ANGPT1: variants seen among roughly 807,000 people sequenced by gnomAD.
ANGPT1 encodes the protein angiopoietin 1.
A neutral mutation model predicts 62.2 loss-of-function variants in ANGPT1; 17 were observed. That is an observed-to-expected ratio of 0.27 (90% CI 0.19 to 0.41). The LOEUF (loss-of-function observed/expected upper bound fraction) is 0.41. Among genes scored for constraint, ANGPT1 ranks in the 10% least tolerant of loss-of-function variants. The probability of loss-of-function intolerance (pLI) is 1.00; values close to 1 mark genes in which losing one functional copy is unlikely to be tolerated. For synonymous variants in ANGPT1, 199 were observed against 198.9 expected (o/e 1.00, Z 0.00); for missense variants, 478 against 594.9 (o/e 0.80, Z 2.04).
chr8:107,370,115 C>G (rs1586263469), intron 1 of ANGPT1, among the ~76,000 whole-genome samples: 1 of 141,182 alleles, frequency 7.1e-6, no homozygotes, highest in South Asian at 2.3e-4. Context: ...CCAGCCTGGG[C>G]AACAGAGCAA....
At chr8:107,264,196 T>TA in intron 8 of ANGPT1, 25 bp downstream of exon 8, 1 of 1,604,140 alleles carries the variant, frequency 6.2e-7, no homozygotes, top group Non-Finnish European at 8.5e-7. Context: ...AAACATAGCT[T>TA]AGAGAATGGC....
chr8:107,311,792 C>T (rs990101793), intron 4 of ANGPT1, among the ~76,000 whole-genome samples: 6 of 151,768 alleles, frequency 4.0e-5, no homozygotes, highest in African/African-American at 7.3e-5. Flanking sequence ...AAGCTGGGTG[C>T]GGTGGCTCAC....
At chr8:107,459,562 G>A (rs1047324213) in intron 1 of ANGPT1, among the ~76,000 whole-genome samples, 1 of 152,060 alleles carries the variant, frequency 6.6e-6, no homozygotes, top group Non-Finnish European at 1.5e-5. Context: ...CTCATATTAT[G>A]TGGGAACGAG....
intron 1 of ANGPT1, among the ~76,000 whole-genome samples, chr8:107,429,463 C>G (rs1811121671): frequency 6.6e-6 from 1 of 152,118 alleles, no homozygotes; most frequent in East Asian, 1.9e-4. Flanking sequence ...ATGGGTGTCA[C>G]TAATCAATAA....
At chr8:107,489,111 C>T (rs1201337721) in intron 1 of ANGPT1, among the ~76,000 whole-genome samples, 1 of 152,150 alleles carries the variant, frequency 6.6e-6, no homozygotes, top group African/African-American at 2.4e-5. Context: ...CTAAATTTTA[C>T]AATATGCCAT....
intron 1 of ANGPT1, among the ~76,000 whole-genome samples, chr8:107,479,021 A>T (rs576591681): frequency 2.3e-4 from 35 of 152,272 alleles, no homozygotes; most frequent in Admixed American, 1.0e-3. Flanking sequence ...CACTGAAGAC[A>T]TGATCTTTCG....
chr8:107,346,913 A>G (rs371209848), intron 2 of ANGPT1, 29 bp downstream of exon 2: 2 of 1,559,324 alleles, frequency 1.3e-6, no homozygotes, highest in Non-Finnish European at 1.7e-6. Context: ...TTCCTTGTTG[A>G]GTCTGTGGAC....
At position 107,388,294 on chromosome 8, in the gene ANGPT1, G is replaced by C. The variant is rs192900119; in HGVS notation, c.298-41197C>G. Among the ~76,000 whole-genome samples the C allele has an allele frequency of 2.3e-3, 357 of 151,994 alleles. 1 individual carries two copies. The highest frequency in any genetic ancestry group is 8.2e-3 in the African/African-American group (340 of 41,452). ...GCTGGACATGGTGGCATGTACCTAC[G>C]GTCCTAGCTACTTCAGAGGCTGAGG... On this transcript the variant is annotated intron_variant, in intron 1 of 8. Transcript: ENST00000517746.
chr8:107,252,500 T>C (rs775253809), intron 8 of ANGPT1, among the ~76,000 whole-genome samples: 39 of 152,208 alleles, frequency 2.6e-4, no homozygotes, highest in Non-Finnish European at 4.7e-4. Flanking sequence ...ATCTACTGCA[T>C]ATGTTTGTCA....
At chr8:107,394,156 C>T (rs1816889661) in intron 1 of ANGPT1, among the ~76,000 whole-genome samples, 1 of 152,128 alleles carries the variant, frequency 6.6e-6, no homozygotes, top group Non-Finnish European at 1.5e-5. Flanking sequence ...GAGAGCTGAT[C>T]CTCAGGAGAA....
At chr8:107,257,586 A>C (rs1404890877) in intron 8 of ANGPT1, among the ~76,000 whole-genome samples, 1 of 152,194 alleles carries the variant, frequency 6.6e-6, no homozygotes, top group African/African-American at 2.4e-5. Context: ...TTCGTTTTCA[A>C]TGCATGCATT....
rs530775162 is a variant in ANGPT1, at chr8:107,490,144, A to G, written c.297+7118T>C. Among the ~76,000 whole-genome samples, 16 of 152,262 alleles carry G rather than the reference A, an allele frequency of 1.1e-4. 1 individual carries two copies. In the South Asian group the frequency reaches 1.5e-3, roughly 14 times the overall value. On this transcript the variant is annotated intron_variant, in intron 1 of 8. Transcript: ENST00000517746. ...TCTCATCATCTGCACAAGTGAGAGC[A>G]CTTCTAATGTTTATACTTAAAACAA...
At chr8:107,390,118 A>G (rs575788836) in intron 1 of ANGPT1, among the ~76,000 whole-genome samples, 3 of 152,174 alleles carry the variant, frequency 2.0e-5, no homozygotes, top group Non-Finnish European at 4.4e-5. Context: ...TGAATTACCC[A>G]TAATAATTTT....
intron 1 of ANGPT1, among the ~76,000 whole-genome samples, chr8:107,361,546 AAT>A: frequency 3.7e-5 from 1 of 27,132 alleles, no homozygotes; most frequent in South Asian, 1.2e-3. Flanking sequence ...ATCAATATAG[AAT>A]ATATGTATAT....
intron 1 of ANGPT1, among the ~76,000 whole-genome samples, chr8:107,406,754 GT>G (rs1403812285): frequency 2.0e-5 from 3 of 151,720 alleles, no homozygotes; most frequent in African/African-American, 7.3e-5. Context: ...ATCTTATATG[GT>G]TTTTAAAATA....
intron 4 of ANGPT1, among the ~76,000 whole-genome samples, chr8:107,318,551 G>A (rs4425727): frequency 0.6 from 90,723 of 152,022 alleles, 27,907 homozygotes; most frequent in African/African-American, 0.76. Flanking sequence ...AGATAATTAC[G>A]ATTATTTTAA....
intron 1 of ANGPT1, among the ~76,000 whole-genome samples, chr8:107,459,883 T>G (rs1812021299): frequency 6.6e-6 from 1 of 152,196 alleles, no homozygotes; most frequent in Non-Finnish European, 1.5e-5. Flanking sequence ...ATTTTCAATG[T>G]TCTGCCCTTT....
chr8:107,311,486 T>C (rs1814862220), intron 4 of ANGPT1, among the ~76,000 whole-genome samples: 1 of 152,172 alleles, frequency 6.6e-6, no homozygotes, highest in South Asian at 2.1e-4. Context: ...ATATTGCCCA[T>C]GATATATAAT....
chr8:107,388,942 T>C (rs1055453242), intron 1 of ANGPT1, among the ~76,000 whole-genome samples: 4 of 152,180 alleles, frequency 2.6e-5, no homozygotes, highest in African/African-American at 7.2e-5. Flanking sequence ...GAGCCTGACA[T>C]ATTGTTTATT....
Sources: gnomAD v4.1 joint callset for allele counts (sites outside exome capture counted in the v4.1 genomes callset) on GRCh38, gnomAD v4.1.1 for gene constraint, MANE v1.5 for transcripts, NCBI Gene and HGNC (gene_info 2026-07-23, HGNC 2026-07-21) for gene names.